MGAT4B: variants seen among roughly 807,000 people sequenced by gnomAD.
MGAT4B encodes the protein alpha-1,3-mannosyl-glycoprotein 4-beta-N-acetylglucosaminyltransferase B, also known as N-acetylglucosaminyltransferase IVb.
A neutral mutation model predicts 73.9 loss-of-function variants in MGAT4B; 38 were observed. The ratio of observed to expected loss-of-function variants is 0.51; its 90% CI spans 0.40 to 0.67. The LOEUF is 0.67. MGAT4B is among the 30% of genes least tolerant of loss of function. The pLI, the probability that MGAT4B is intolerant of heterozygous loss-of-function variation, is 0.00. For synonymous variants in MGAT4B, 373 were observed against 313.5 expected, an observed-to-expected ratio of 1.19 and a Z score of -2.01; for missense variants, 686 against 735.2, an observed-to-expected ratio of 0.93 and a Z score of 0.77.
At chr5:179,802,177 C>T in intron 1 of MGAT4B, 2 of 1,500,956 alleles carry the variant, frequency 1.3e-6, no homozygotes, top group Non-Finnish European at 1.8e-6. Context: ...GGGAATTAGC[C>T]CTCTTCCAGT....
chr5:179,800,649 G>A (rs1756877221), intron 5 of MGAT4B, 52 bp from the exon 6 acceptor site: 3 of 1,344,482 alleles, frequency 2.2e-6, no homozygotes, highest in South Asian at 2.4e-5. Flanking sequence ...GCTGAGAGGG[G>A]CCGAGCCCAC....
Position 179,801,144 on chromosome 5 carries a change from G to T in MGAT4B, c.558+190C>A. 8.7e-7 allele frequency: 1 copy of T among 1,145,446 alleles called. No homozygotes were observed. The highest frequency in any genetic ancestry group is 1.2e-6 in the Non-Finnish European group (1 of 821,454). 71.0% of individuals were successfully genotyped at this position (1,145,446 alleles called of 1,614,324 possible). A position where few individuals can be genotyped will look rare whatever the true frequency, so the allele number is the denominator to read the frequency against. On this transcript the variant is annotated intron_variant, in intron 4 of 14. Transcript: ENST00000292591. The surrounding 1 kb of genome is among the most constrained non-coding windows in gnomAD (Gnocchi z 4.8). The stretch of plus-strand genomic sequence containing the variant: ...GGACTCGCATGGCCAAGGACTAGGG[G>T]GTGGCGGGGGCGATGGGTAGGGGTA...
At chr5:179,799,427 A>G (rs1457955529) in intron 9 of MGAT4B, 79 bp downstream of exon 9, 49 of 1,609,086 alleles carry the variant, frequency 3.0e-5, no homozygotes, top group Non-Finnish European at 3.5e-5. Context: ...GAGCAGATGC[A>G]AGGACAGGGA....
At position 179,800,232 on chromosome 5, in the gene MGAT4B, G is replaced by A; in HGVS notation, c.747C>T (p.Tyr249=). 1 of 1,613,524 alleles carries A rather than the reference G, an allele frequency of 6.2e-7. No individual in the cohort carries two copies. Among genetic ancestry groups the A allele is most frequent in the Non-Finnish European group, 8.5e-7 (1 of 1,180,016 alleles). ...ACTGCGCGTACATCATGAGGAAGCA[G>A]TAATCGAGGTTCTGTTTGGTCCTCC... ...VRWRTKQNLD[Y]CFLMMYAQSK... is the part of the protein sequence containing the mutation. Residue 249 remains tyrosine (Y), a synonymous_variant, in exon 7 of 15, where the codon TAC becomes TAT. Coordinates refer to ENST00000292591, the MANE Select transcript of MGAT4B (RefSeq NM_014275.5).
In MGAT4B at chr5:179,806,590, G is replaced by C. The variant is rs954112740; in HGVS notation, c.-7C>G. On this transcript the variant is annotated 5_prime_UTR_variant, in exon 1 of 15. Coordinates refer to ENST00000292591, the MANE Select transcript of MGAT4B (RefSeq NM_014275.5). This position sits in a 1 kb window ranked among gnomAD's most constrained non-coding sequence, Gnocchi z 4.6. ...TGCCATTGCGGAGCCTCATCTCCTC[G>C]GGTGCGCGGCGGGCGCCCGCGGGGC... 1 of 1,248,584 alleles carries C rather than the reference G, an allele frequency of 8.0e-7. No homozygotes were observed. The highest frequency in any genetic ancestry group is 1.0e-6 in the Non-Finnish European group (1 of 967,620). The allele number at this position is 1,248,584 out of a possible 1,614,324, so 77.3% of individuals were successfully genotyped here.
rs1757145680 is a variant in MGAT4B, at chr5:179,806,192, C to T, written c.97+295G>A. On this transcript the variant is annotated intron_variant, in intron 1 of 14. Coordinates refer to ENST00000292591, the MANE Select transcript of MGAT4B (RefSeq NM_014275.5). The surrounding 1 kb of genome is among the most constrained non-coding windows in gnomAD (Gnocchi z 4.6). The stretch of plus-strand genomic sequence containing the variant: ...GGCTGGCGTTCCGGGACCTCTGTGA[C>T]CTTGGGTCTCTGCCCCTCTCCGAGA... 1 of 158,850 alleles carries T rather than the reference C, an allele frequency of 6.3e-6. No individual in the cohort carries two copies. Among genetic ancestry groups the T allele is most frequent in the Admixed American group, 6.5e-5 (1 of 15,500 alleles). 9.8% of individuals were successfully genotyped at this position (158,850 alleles called of 1,614,324 possible).
chr5:179,799,601 C>A lies in MGAT4B; in HGVS notation c.946G>T (p.Val316Leu). 6.2e-7 allele frequency: 1 copy of A among 1,613,922 alleles called. No individual in the cohort carries two copies. Residue 316 changes from valine (V) to leucine (L), a missense_variant, in exon 9 of 15, where the codon GTA (valine) becomes TTA (leucine). This residue lies in a region of MGAT4B where 449 missense variants were observed against 536.8 expected (regional missense o/e 0.84). Coordinates refer to ENST00000292591, the MANE Select transcript of MGAT4B (RefSeq NM_014275.5). ...MFKSLDLSLI[V>L]EFILMFYRDK... ...CGGTAGAACATGAGAATGAACTCTA[C>A]AATCAGGCTCAGGTCCAGCGACTTG...
Position 179,801,518 on chromosome 5 carries a change from C to A in MGAT4B, c.424+36G>T. Reference sequence around the variant, plus strand: ...GGAAAGGGTGCGGGGGCCACCCGTCCCCCCACCCCGTGCTCCTCCCTGTCT... The same window carrying A: ...GGAAAGGGTGCGGGGGCCACCCGTCACCCCACCCCGTGCTCCTCCCTGTCT... On this transcript the variant is annotated intron_variant, in intron 3 of 14. Coordinates refer to ENST00000292591, the MANE Select transcript of MGAT4B (RefSeq NM_014275.5). The surrounding 1 kb of genome is among the most constrained non-coding windows in gnomAD (Gnocchi z 4.8). 6.2e-7 allele frequency: 1 copy of A among 1,602,588 alleles called. No individual in the cohort carries two copies. Among genetic ancestry groups the A allele is most frequent in the South Asian group, 1.1e-5 (1 of 90,724 alleles).
At chr5:179,804,913 G>T (rs1269857891) in intron 1 of MGAT4B, 1 of 152,184 alleles carries the variant, frequency 6.6e-6, no homozygotes, top group African/African-American at 2.4e-5. Flanking sequence ...CCTCGACAAG[G>T]GAGGCCTATG....
intron 7 of MGAT4B, 34 bp from the exon 8 acceptor site, chr5:179,800,102 G>A (rs187294): frequency 6.2e-7 from 1 of 1,611,398 alleles, no homozygotes; most frequent in African/African-American, 1.3e-5. Flanking sequence ...TGGGGCTGAG[G>A]AAGGGCACCC....
At chr5:179,800,850 A>T in intron 5 of MGAT4B, 57 bp downstream of exon 5, 19 of 1,583,670 alleles carry the variant, frequency 1.2e-5, no homozygotes, top group Non-Finnish European at 1.6e-5. Context: ...ACCTGCCAGC[A>T]CAACACCCCG....
At chr5:179,802,026 C>T (rs1454006805) in intron 1 of MGAT4B, 57 bp from the exon 2 acceptor site, 1 of 1,612,378 alleles carries the variant, frequency 6.2e-7, no homozygotes, top group South Asian at 1.1e-5. Flanking sequence ...CCTACGGGCC[C>T]CTCCAGTGTG....
chr5:179,804,647 T>C (rs1223065904), intron 1 of MGAT4B, among the ~76,000 whole-genome samples: 1 of 152,204 alleles, frequency 6.6e-6, no homozygotes, highest in Non-Finnish European at 1.5e-5. Flanking sequence ...TCTGGTTCCC[T>C]GCCCACCTCC....
intron 1 of MGAT4B, 90 bp from the exon 2 acceptor site, chr5:179,802,059 C>G (rs1756971199): frequency 3.7e-6 from 6 of 1,603,908 alleles, no homozygotes; most frequent in Middle Eastern, 3.3e-4. Context: ...TCTGGGTGTC[C>G]ACCTCTGCAA....
Position 179,801,770 on chromosome 5 carries a change from G to T in MGAT4B, c.283+14C>A. 7 of 813,204 alleles carry T rather than the reference G, an allele frequency of 8.6e-6. No homozygotes were observed. The highest frequency in any genetic ancestry group is 1.3e-5 in the Non-Finnish European group (7 of 549,088). The allele number at this position is 813,204 out of a possible 1,614,324, so 50.4% of individuals were successfully genotyped here. Reference sequence around the variant, plus strand: ...CCCGCCCCCGCCTTTTCCCCCTCCCGCCCCAGACCTCACCTGTTAGGCGGC... The same window carrying T: ...CCCGCCCCCGCCTTTTCCCCCTCCCTCCCCAGACCTCACCTGTTAGGCGGC... On this transcript the variant is annotated intron_variant, in intron 2 of 14. Transcript: ENST00000292591. The surrounding 1 kb of genome is among the most constrained non-coding windows in gnomAD (Gnocchi z 4.8).
rs759142898 is a variant in MGAT4B at position 179,801,938 on chromosome 5, G to T, written c.129C>A (p.Phe43Leu). 1 of 1,613,356 alleles carries T rather than the reference G, an allele frequency of 6.2e-7. No homozygotes were observed. Residue 43 changes from phenylalanine (F) to leucine (L), a missense_variant, in exon 2 of 15, where the codon TTC (phenylalanine) becomes TTA (leucine). By Grantham distance (22) the Phe-to-Leu change is conservative (BLOSUM62 0). Around this residue, in one of 2 missense-constraint regions of MGAT4B, gnomAD observed 237 missense variants for 198.5 expected, o/e 1.19. Coordinates refer to ENST00000292591, the MANE Select transcript of MGAT4B (RefSeq NM_014275.5). The surrounding 1 kb of genome is among the most constrained non-coding windows in gnomAD (Gnocchi z 4.8). The part of the protein sequence containing the change: ...GDVVDVYQRE[F>L]LALRDRLHAA... ...CGTGCAACCGATCGCGCAGCGCCAGGAACTCCCGCTGGTAAACGTCCACAA... is the reference window on the plus strand; with the variant it reads ...CGTGCAACCGATCGCGCAGCGCCAGTAACTCCCGCTGGTAAACGTCCACAA...
rs530130526 is a variant in MGAT4B, at chr5:179,797,970, G to A, written c.*75C>T. 5.3e-5 allele frequency: 81 copies of A among 1,537,608 alleles called. No homozygotes were observed. The highest frequency in any genetic ancestry group is 4.8e-4 in the South Asian group (41 of 84,748). Reference sequence around the variant, plus strand: ...TGGGCGGGGCCGTATCTGGCCCTCCGGGGACGGCAGTGACGACACCCCCAG... The same window carrying A: ...TGGGCGGGGCCGTATCTGGCCCTCCAGGGACGGCAGTGACGACACCCCCAG... On this transcript the variant is annotated 3_prime_UTR_variant, in exon 15 of 15. Coordinates refer to ENST00000292591, the MANE Select transcript of MGAT4B (RefSeq NM_014275.5).
At chr5:179,800,821 A>AT (rs1756888294) in intron 5 of MGAT4B, 86 bp downstream of exon 5, 5 of 1,438,912 alleles carry the variant, frequency 3.5e-6, no homozygotes, top group Non-Finnish European at 4.8e-6. Context: ...GAAAGGCACT[A>AT]TCTCATGGGG....
At position 179,798,383 on chromosome 5, in the gene MGAT4B, G is replaced by A. The variant is rs199546175; in HGVS notation, c.1474C>T (p.Arg492Trp). The change falls in exon 13 of 15, where the codon CGG becomes TGG. Residue 492 changes from arginine (R) to tryptophan (W), a missense_variant. Arg to Trp is a moderately radical substitution (Grantham distance 101). Coordinates refer to ENST00000292591, the MANE Select transcript of MGAT4B (RefSeq NM_014275.5). ...TAGCCGTCGGGGCTCCGAGGGTACC[G>A]GAGGGTGGCGGTGCGGCCCTCCTGC... is the stretch of plus-strand genomic sequence containing the variant. ...ALQEGRTATL[R>W]YPRSPDGYLQ... 67 of 1,612,878 alleles carry A rather than the reference G, an allele frequency of 4.2e-5. No individual in the cohort carries two copies. In the African/African-American group the frequency reaches 6.4e-4, roughly 15 times the overall value.
Sources: gnomAD v4.1 joint callset for allele counts (sites outside exome capture counted in the v4.1 genomes callset) on GRCh38, gnomAD v4.1.1 for gene constraint, gnomAD v4.1.1 regional missense constraint, Gnocchi (gnomAD v3.1) non-coding constraint, MANE v1.5 for transcripts, NCBI Gene and HGNC (gene_info 2026-07-23, HGNC 2026-07-21) for gene names.